Variants in NKAIN2 observed in about 807,000 individuals in gnomAD.
NKAIN2 encodes the protein sodium/potassium-transporting ATPase subunit beta-1-interacting protein 2.
In NKAIN2, 14 loss-of-function variants were observed where a neutral mutation model predicts 32.6. That is an observed-to-expected ratio of 0.43 (90% confidence interval 0.28 to 0.67). NKAIN2 has a LOEUF of 0.67. NKAIN2 is among the 30% of genes least tolerant of loss of function. The pLI is 0.17. For missense variants in NKAIN2, 198 were observed against 258.3 expected (o/e 0.77, Z 1.60); for synonymous variants, 80 against 87.2 (o/e 0.92, Z 0.46).
At chr6:124,236,439 A>G (rs1045100376) in intron 1 of NKAIN2, among the ~76,000 whole-genome samples, 2 of 152,154 alleles carry the variant, frequency 1.3e-5, no homozygotes, top group East Asian at 1.9e-4. Flanking sequence ...AGGGCAGAGG[A>G]TGGTCCAAGT....
rs1049179741 is a variant in NKAIN2, at chr6:124,825,379, G to A, written c.*2150G>A. ...AGTAATCAGTGGACAGGTCATTTAT[G>A]GGATCAGTAAGCACAGTAGTGTGAT... is the stretch of plus-strand genomic sequence containing the variant. On this transcript the variant is annotated 3_prime_UTR_variant, in exon 7 of 7. Coordinates refer to ENST00000368417, the MANE Select transcript of NKAIN2 (RefSeq NM_001040214.3). 3 of 152,568 alleles carry A rather than the reference G, an allele frequency of 2.0e-5. No individual in the cohort carries two copies. In the East Asian group the frequency reaches 5.8e-4, roughly 29 times the overall value. 9.5% of individuals were successfully genotyped at this position (152,568 alleles called of 1,614,324 possible).
intron 1 of NKAIN2, among the ~76,000 whole-genome samples, chr6:124,194,362 C>G (rs1790197902): frequency 6.6e-6 from 1 of 151,920 alleles, no homozygotes; most frequent in Non-Finnish European, 1.5e-5. Flanking sequence ...TTCTTTTTAT[C>G]TTCCTTTCAA....
At chr6:124,724,120 G>T (rs1343736430) in intron 4 of NKAIN2, among the ~76,000 whole-genome samples, 1 of 152,140 alleles carries the variant, frequency 6.6e-6, no homozygotes, top group Non-Finnish European at 1.5e-5. Context: ...AGGCAGCAAG[G>T]AAGAGTGGCT....
chr6:124,424,710 AC>A (rs137973997), intron 3 of NKAIN2, among the ~76,000 whole-genome samples: 23,386 of 150,984 alleles, frequency 0.15, 2,208 homozygotes, highest in East Asian at 0.24. Flanking sequence ...TAGCATAATG[AC>A]CCCCCCACCA....
At chr6:124,548,416 A>G (rs1780171865) in intron 3 of NKAIN2, among the ~76,000 whole-genome samples, 1 of 152,224 alleles carries the variant, frequency 6.6e-6, no homozygotes, top group African/African-American at 2.4e-5. Context: ...ATGGCATATA[A>G]AATTCTTAGT....
chr6:124,385,688 C>G (rs924191190), intron 3 of NKAIN2, among the ~76,000 whole-genome samples: 4 of 152,022 alleles, frequency 2.6e-5, no homozygotes, highest in African/African-American at 9.7e-5. Context: ...GTTCACCTTA[C>G]CTATAGGTGA....
intron 4 of NKAIN2, among the ~76,000 whole-genome samples, chr6:124,762,396 A>G (rs1399215839): frequency 6.6e-6 from 1 of 152,136 alleles, no homozygotes; most frequent in East Asian, 1.9e-4. Flanking sequence ...ACACCTCTAA[A>G]TATAGTCATA....
intron 1 of NKAIN2, among the ~76,000 whole-genome samples, chr6:124,066,561 G>A (rs1333152309): frequency 1.3e-5 from 2 of 152,134 alleles, no homozygotes; most frequent in Non-Finnish European, 2.9e-5. Context: ...ATTAGAATTA[G>A]AATTTAGTCT....
At chr6:124,237,708 C>A (rs920729958) in intron 1 of NKAIN2, among the ~76,000 whole-genome samples, 5 of 152,054 alleles carry the variant, frequency 3.3e-5, no homozygotes, top group African/African-American at 9.7e-5. Context: ...AATAAAAATA[C>A]TAGGAAAGTG....
At chr6:124,689,648 G>C (rs1774166051) in intron 4 of NKAIN2, among the ~76,000 whole-genome samples, 1 of 151,924 alleles carries the variant, frequency 6.6e-6, no homozygotes, top group Non-Finnish European at 1.5e-5. Flanking sequence ...AAAGTACCAG[G>C]TCTATGTTTA....
intron 1 of NKAIN2, among the ~76,000 whole-genome samples, chr6:123,869,189 A>G (rs1484521799): frequency 6.6e-6 from 1 of 152,218 alleles, no homozygotes; most frequent in Non-Finnish European, 1.5e-5. Context: ...TTTGTCATTA[A>G]ACTCAGTTAC....
At chr6:124,791,496 A>C in intron 5 of NKAIN2, 97 bp downstream of exon 5, 1 of 724,814 alleles carries the variant, frequency 1.4e-6, no homozygotes, top group East Asian at 2.6e-5. Context: ...AGATCCTACA[A>C]CACAGCATTA....
At chr6:124,807,736 C>A (rs1364598670) in intron 5 of NKAIN2, among the ~76,000 whole-genome samples, 2 of 151,222 alleles carry the variant, frequency 1.3e-5, no homozygotes, top group African/African-American at 4.9e-5. Context: ...AATTGATAGA[C>A]CGCTAGCAAT....
chr6:123,939,976 A>C (rs1026469841), intron 1 of NKAIN2, among the ~76,000 whole-genome samples: 1 of 151,968 alleles, frequency 6.6e-6, no homozygotes, highest in Non-Finnish European at 1.5e-5. Flanking sequence ...ACCCAGTGAT[A>C]GGCAGTTTCT....
At chr6:124,689,627 A>C (rs1774164949) in intron 4 of NKAIN2, among the ~76,000 whole-genome samples, 1 of 152,092 alleles carries the variant, frequency 6.6e-6, no homozygotes, top group African/African-American at 2.4e-5. Context: ...ATTTTGAGTT[A>C]ATTTTTGTGA....
In NKAIN2 at chr6:124,405,537, C is replaced by CTT. The variant is rs200131120; in HGVS notation, c.273+50204_273+50205dup. On this transcript the variant is annotated intron_variant, in intron 3 of 6. Transcript: ENST00000368417. ...CAAATATAAAAACCTTTTGTTTTGT[C>CTT]TTTTTTTTTTTTTTTCCTTTTTGTG... Among the ~76,000 whole-genome samples, 27 of 139,336 alleles carry CTT rather than the reference C, an allele frequency of 1.9e-4. 1 individual carries two copies. Among genetic ancestry groups the CTT allele is most frequent in the East Asian group, 8.4e-4 (4 of 4,744 alleles). The allele number at this position is 139,336 out of a possible 152,430, so 91.4% of individuals were successfully genotyped here.
chr6:124,763,509 G>A (rs1778367687), intron 4 of NKAIN2, among the ~76,000 whole-genome samples: 1 of 152,126 alleles, frequency 6.6e-6, no homozygotes, highest in Admixed American at 6.5e-5. Context: ...TCACTATCAG[G>A]AGAATAGCAC....
intron 2 of NKAIN2, among the ~76,000 whole-genome samples, chr6:124,299,841 AAG>A (rs1796226168): frequency 6.6e-6 from 1 of 152,260 alleles, no homozygotes. Context: ...CTTAACAATG[AAG>A]ATTACAACAA....
intron 4 of NKAIN2, among the ~76,000 whole-genome samples, chr6:124,764,320 T>C (rs1399567867): frequency 1.3e-5 from 2 of 152,158 alleles, no homozygotes; most frequent in African/African-American, 4.8e-5. Context: ...TTTAAAATTA[T>C]GGGGGTTATC....
Sources: gnomAD v4.1 joint callset for allele counts (sites outside exome capture counted in the v4.1 genomes callset) on GRCh38, gnomAD v4.1.1 for gene constraint, MANE v1.5 for transcripts, NCBI Gene and HGNC (gene_info 2026-07-23, HGNC 2026-07-21) for gene names.